Variants in MAN1A2 observed in about 807,000 individuals in gnomAD.
MAN1A2 encodes mannosidase alpha class 1A member 2.
A neutral mutation model predicts 75.7 loss-of-function variants in MAN1A2; 26 were observed. The observed-to-expected ratio is 0.34, with a 90% CI of 0.25 to 0.48. The LOEUF (loss-of-function observed/expected upper bound fraction) is 0.48, where lower values mean the gene tolerates loss of function less well. MAN1A2 is among the 20% of genes least tolerant of loss of function. MAN1A2 has a pLI of 0.99. For synonymous variants in MAN1A2, 247 were observed against 264.6 expected, an observed-to-expected ratio of 0.93 and a Z score of 0.65; for missense variants, 562 against 775.5, an observed-to-expected ratio of 0.72 and a Z score of 3.27.
At chr1:117,512,567 A>T (rs1217985591) in intron 12 of MAN1A2, among the ~76,000 whole-genome samples, 1 of 152,182 alleles carries the variant, frequency 6.6e-6, no homozygotes, top group East Asian at 1.9e-4. Context: ...AGGGATTAAG[A>T]AATTAACTAT....
At chr1:117,426,476 T>C (rs1648377512) in intron 5 of MAN1A2, among the ~76,000 whole-genome samples, 1 of 152,168 alleles carries the variant, frequency 6.6e-6, no homozygotes, top group African/African-American at 2.4e-5. Context: ...GATAAACCCA[T>C]TGCAAATTGA....
rs558997624 is a variant in MAN1A2, at chr1:117,429,390, C to T, written c.855+8741C>T. Among the ~76,000 whole-genome samples the T allele has an allele frequency of 5.2e-5, 7 of 135,072 alleles. 1 individual carries two copies. Among genetic ancestry groups the T allele is most frequent in the African/African-American group, 8.3e-5 (3 of 36,058 alleles). The allele number at this position is 135,072 out of a possible 152,430, so 88.6% of individuals were successfully genotyped here. On this transcript the variant is annotated intron_variant, in intron 5 of 12. Transcript: ENST00000356554. The stretch of plus-strand genomic sequence containing the variant: ...CCCAGTAGGGGCGGCCGGGCAGAGG[C>T]GCCCCTCACCTCCCGGACGGGGCGG...
chr1:117,413,296 A>G (rs779260054), intron 3 of MAN1A2, among the ~76,000 whole-genome samples: 1 of 152,008 alleles, frequency 6.6e-6, no homozygotes, highest in Non-Finnish European at 1.5e-5. Flanking sequence ...ATTATTAGGA[A>G]CACATGAACA....
In MAN1A2 at chr1:117,376,362, T is replaced by G. The variant is rs534588496; in HGVS notation, c.302+7877T>G. ...TACAGCTCCGCTTATTATGTAACCA[T>G]GTCATGTGAGGCGCATTAGGTGATC... On this transcript the variant is annotated intron_variant, in intron 1 of 12. Coordinates refer to ENST00000356554, the MANE Select transcript of MAN1A2 (RefSeq NM_006699.5). Among the ~76,000 whole-genome samples, 48 of 152,346 alleles carry G rather than the reference T, an allele frequency of 3.2e-4. 1 individual carries two copies. The highest frequency in any genetic ancestry group is 2.7e-3 in the Admixed American group (42 of 15,306).
intron 5 of MAN1A2, among the ~76,000 whole-genome samples, chr1:117,426,921 C>T (rs988743799): frequency 1.3e-4 from 20 of 152,038 alleles, no homozygotes; most frequent in Non-Finnish European, 2.6e-4. Context: ...TTATATATTG[C>T]AAGAGCCCCC....
At chr1:117,451,476 T>G (rs908116783) in intron 6 of MAN1A2, among the ~76,000 whole-genome samples, 1 of 152,088 alleles carries the variant, frequency 6.6e-6, no homozygotes, top group Non-Finnish European at 1.5e-5. Flanking sequence ...GCATGATTGG[T>G]TTTGAAATGT....
chr1:117,374,524 T>C (rs930104383), intron 1 of MAN1A2, among the ~76,000 whole-genome samples: 1 of 152,034 alleles, frequency 6.6e-6, no homozygotes, highest in African/African-American at 2.4e-5. Flanking sequence ...AAAAAAAAAA[T>C]CTCCTTCAAA....
Position 117,414,829 on chromosome 1 carries a change from G to A in MAN1A2, c.772G>A (p.Val258Met). 1 of 1,541,412 alleles carries A rather than the reference G, an allele frequency of 6.5e-7. No homozygotes were observed. The highest frequency in any genetic ancestry group is 9.0e-7 in the Non-Finnish European group (1 of 1,114,340). The change falls in exon 4 of 13, where the codon GTG (valine) becomes ATG (methionine). Residue 258 changes from valine to methionine, a missense_variant and splice_region_variant. Around this residue, in one of 2 missense-constraint regions of MAN1A2, gnomAD observed 434 missense variants for 645.7 expected, o/e 0.67. Transcript: ENST00000356554. ...RWIEDNLDFS[V>M]NSEVSVFEVN... ...GATTGAAGACAACCTTGATTTCAGT[G>A]TGGTGAGTGTATGATTGATAACTAA...
intron 2 of MAN1A2, 53 bp from the exon 3 acceptor site, chr1:117,405,496 A>T: frequency 8.8e-7 from 1 of 1,131,318 alleles, no homozygotes; most frequent in Admixed American, 1.7e-5. Context: ...ATGAAATAAA[A>T]AAACAGTTTG....
At chr1:117,445,065 T>C (rs1327221578) in intron 6 of MAN1A2, among the ~76,000 whole-genome samples, 3 of 152,196 alleles carry the variant, frequency 2.0e-5, no homozygotes, top group Non-Finnish European at 2.9e-5. Context: ...CTTGTTGTTG[T>C]TTTATCATGA....
chr1:117,437,111 A>G (rs1283718581), intron 5 of MAN1A2, among the ~76,000 whole-genome samples: 2 of 152,218 alleles, frequency 1.3e-5, no homozygotes, highest in Non-Finnish European at 2.9e-5. Context: ...AGTGATACTG[A>G]AAAATTTATC....
At chr1:117,455,417 C>T (rs1649548172) in intron 6 of MAN1A2, among the ~76,000 whole-genome samples, 1 of 151,972 alleles carries the variant, frequency 6.6e-6, no homozygotes, top group African/African-American at 2.4e-5. Context: ...GGTTTGTATA[C>T]CAGTCTTTGT....
chr1:117,374,220 C>T (rs911295539), intron 1 of MAN1A2, among the ~76,000 whole-genome samples: 1 of 151,946 alleles, frequency 6.6e-6, no homozygotes, highest in Admixed American at 6.6e-5. Context: ...TCACTTGAGC[C>T]CAGGAGTTCG....
intron 3 of MAN1A2, among the ~76,000 whole-genome samples, chr1:117,405,890 C>CT (rs532661697): frequency 7.9e-5 from 12 of 151,604 alleles, no homozygotes; most frequent in Admixed American, 4.6e-4. Flanking sequence ...TATTTAAAAG[C>CT]TTTTTTTTGG....
rs1247352179 is a variant in MAN1A2, at chr1:117,497,002, T to A, written c.1504+20T>A. On this transcript the variant is annotated intron_variant, in intron 10 of 12. Coordinates refer to ENST00000356554, the MANE Select transcript of MAN1A2 (RefSeq NM_006699.5). ...GAACTGGTAAGAATATTAATAAGGCTAATTATATAGTCTAAAATAATCTCT... is the reference window on the plus strand; with the variant it reads ...GAACTGGTAAGAATATTAATAAGGCAAATTATATAGTCTAAAATAATCTCT... 1.3e-6 allele frequency: 2 copies of A among 1,570,660 alleles called. No individual in the cohort carries two copies. The highest frequency in any genetic ancestry group is 2.3e-5 in the South Asian group (2 of 88,162).
chr1:117,426,879 T>C (rs1248443162), intron 5 of MAN1A2, among the ~76,000 whole-genome samples: 3 of 152,208 alleles, frequency 2.0e-5, no homozygotes, highest in African/African-American at 7.2e-5. Context: ...AAATCTTCTT[T>C]AATTCTTTGT....
intron 12 of MAN1A2, among the ~76,000 whole-genome samples, chr1:117,521,549 A>G (rs982042677): frequency 7.2e-5 from 11 of 152,040 alleles, no homozygotes; most frequent in African/African-American, 2.7e-4. Flanking sequence ...GGATGCAGTG[A>G]TCAGGGAACA....
chr1:117,438,184 G>A (rs1345909888), intron 5 of MAN1A2, among the ~76,000 whole-genome samples: 2 of 152,146 alleles, frequency 1.3e-5, no homozygotes, highest in East Asian at 1.9e-4. Flanking sequence ...TCCTAGTGAT[G>A]TTTTAATGAT....
intron 6 of MAN1A2, among the ~76,000 whole-genome samples, chr1:117,452,325 G>A (rs1649448173): frequency 6.6e-6 from 1 of 151,542 alleles, no homozygotes. Context: ...AAAAAAAGTT[G>A]GAAATAATTA....
Sources: allele counts gnomAD v4.1 joint callset (sites outside exome capture counted in the v4.1 genomes callset), GRCh38; gene constraint gnomAD v4.1.1; regional missense constraint gnomAD v4.1.1; transcripts MANE v1.5; gene names NCBI Gene and HGNC (gene_info 2026-07-23, HGNC 2026-07-21).